Variants in THOP1 observed in about 807,000 individuals in gnomAD.
THOP1 encodes the protein thimet oligopeptidase 1.
In THOP1, 49 loss-of-function variants were observed where a neutral mutation model predicts 71.8. That is an observed-to-expected ratio of 0.68 (90% confidence interval 0.54 to 0.87). The LOEUF (loss-of-function observed/expected upper bound fraction) is 0.87, where lower values mean the gene tolerates loss of function less well. THOP1 is among the 40% of genes least tolerant of loss of function. The pLI is 0.00. For synonymous variants in THOP1, 426 were observed against 421.5 expected, an observed-to-expected ratio of 1.01 and a Z score of -0.13; for missense variants, 843 against 975.6, an observed-to-expected ratio of 0.86 and a Z score of 1.81.
In THOP1 at chr19:2,806,795, G is replaced by C. The variant is rs1330970996; in HGVS notation, c.751-122G>C. ...GTTGTGTAGTAACACAGGCCGAGAG[G>C]GGCAGGGACCGGAGGTCAGACGGAG... On this transcript the variant is annotated intron_variant, in intron 6 of 12. Coordinates refer to ENST00000307741, the MANE Select transcript of THOP1 (RefSeq NM_003249.5). The C allele has an allele frequency of 3.9e-6, 6 of 1,534,686 alleles. No individual in the cohort carries two copies. In the East Asian group the frequency reaches 1.1e-4, roughly 29 times the overall value.
intron 3 of THOP1, among the ~76,000 whole-genome samples, chr19:2,795,547 A>G (rs1203113704): frequency 6.6e-6 from 1 of 152,254 alleles, no homozygotes; most frequent in Non-Finnish European, 1.5e-5. Flanking sequence ...TGGTAAATCC[A>G]GATCAGGGTG....
At chr19:2,807,890 G>C (rs992709770) in intron 8 of THOP1, 82 bp downstream of exon 8, 22 of 1,386,528 alleles carry the variant, frequency 1.6e-5, no homozygotes, top group Non-Finnish European at 2.1e-5. Context: ...GAGATGGGAA[G>C]GAAGTCGTTG....
At position 2,807,712 on chromosome 19, in the gene THOP1, G is replaced by T. The variant is rs570540421; in HGVS notation, c.1157G>T (p.Gly386Val). ...LLGLAFHHEE[G>V]ASAWHEDVRL... ...GGGCTGGCCTTCCACCACGAGGAGG[G>T]CGCCAGTGCCTGGCATGAGGACGTG... The change falls in exon 8 of 13, where the codon GGC (glycine) becomes GTC (valine). Residue 386 changes from glycine (G) to valine (V), a missense_variant. Coordinates refer to ENST00000307741, the MANE Select transcript of THOP1 (RefSeq NM_003249.5). The T allele has an allele frequency of 3.1e-6, 5 of 1,601,732 alleles. No homozygotes were observed. The African/African-American group carries it at 6.7e-5, about 21-fold the overall frequency.
In THOP1 at chr19:2,813,301, C is replaced by G. The variant is rs11557137; in HGVS notation, c.*25C>G. The G allele has an allele frequency of 2.1e-5, 33 of 1,584,416 alleles. No homozygotes were observed. The highest frequency in any genetic ancestry group is 2.7e-5 in the Non-Finnish European group (32 of 1,165,630). On this transcript the variant is annotated 3_prime_UTR_variant, in exon 13 of 13. Coordinates refer to ENST00000307741, the MANE Select transcript of THOP1 (RefSeq NM_003249.5). ...AGGCCTGGCACTGCGACTGCCCAGT[C>G]TGGCCTGCGCTCCCGCCGCCCTGGT...
In THOP1 at chr19:2,792,968, G is replaced by C. The variant is rs1365826982; in HGVS notation, c.230-1796G>C. ...AGGTGGGCGGATGACTTGAGGTCAG[G>C]AGTTCGAGACCAGCCTGACCAACAT... On this transcript the variant is annotated intron_variant, in intron 2 of 12. Coordinates refer to ENST00000307741, the MANE Select transcript of THOP1 (RefSeq NM_003249.5). Among the ~76,000 whole-genome samples the C allele has an allele frequency of 1.3e-5, 2 of 152,152 alleles. 1 individual carries two copies. The highest frequency in any genetic ancestry group is 4.8e-5 in the African/African-American group (2 of 41,414).
At position 2,800,070 on chromosome 19, in the gene THOP1, G is replaced by A. The variant is rs144489152; in HGVS notation, c.589+279G>A. Among the ~76,000 whole-genome samples the A allele has an allele frequency of 2.5e-3, 384 of 152,370 alleles. 2 individuals are homozygous for A. The highest frequency in any genetic ancestry group is 4.0e-3 in the Non-Finnish European group (270 of 68,040). On this transcript the variant is annotated intron_variant, in intron 5 of 12. Coordinates refer to ENST00000307741, the MANE Select transcript of THOP1 (RefSeq NM_003249.5). ...ATAGAAAATGTCCCTGGCAGTGGCG[G>A]AAGCCCAGGCCGGACGGGGTGGCCA... is the stretch of plus-strand genomic sequence containing the variant.
intron 4 of THOP1, among the ~76,000 whole-genome samples, chr19:2,797,698 C>T (rs1455115450): frequency 6.6e-6 from 1 of 152,250 alleles, no homozygotes; most frequent in Non-Finnish European, 1.5e-5. Context: ...ATGATATTCA[C>T]AACTCACGAT....
In THOP1 at chr19:2,811,744, GA is replaced by G; in HGVS notation, c.1908+11del. On this transcript the variant is annotated intron_variant, in intron 12 of 12. Transcript: ENST00000307741. ...TGTCCTGAACAGCAAGGTACGCGGG[GA>G]CTGGGGACAGGGAGGGCGTCCTGAA... The G allele has an allele frequency of 1.9e-6, 3 of 1,573,072 alleles. No homozygotes were observed. Among genetic ancestry groups the G allele is most frequent in the South Asian group, 1.2e-5 (1 of 86,722 alleles).
At position 2,798,177 on chromosome 19, in the gene THOP1, C is replaced by T. The variant is rs546865458; in HGVS notation, c.487-1512C>T. Reference sequence around the variant, plus strand: ...TGGAGTAGCTGGGATTACGGGCACCCGCCAACACAGCTGGCTAATTTTTTT... The same window carrying T: ...TGGAGTAGCTGGGATTACGGGCACCTGCCAACACAGCTGGCTAATTTTTTT... On this transcript the variant is annotated intron_variant, in intron 4 of 12. Transcript: ENST00000307741. Among the ~76,000 whole-genome samples the T allele has an allele frequency of 3.3e-5, 5 of 152,084 alleles. No individual in the cohort carries two copies. The East Asian group carries it at 9.7e-4, about 29-fold the overall frequency.
rs752853333 is a variant in THOP1, at chr19:2,804,295, C to T, written c.590-721C>T. On this transcript the variant is annotated intron_variant, in intron 5 of 12. Coordinates refer to ENST00000307741, the MANE Select transcript of THOP1 (RefSeq NM_003249.5). This position sits in a 1 kb window ranked among gnomAD's most constrained non-coding sequence, Gnocchi z 4.7. Reference sequence around the variant, plus strand: ...GTGGGAGGGTGTGGCTGCCGGGCAGCGGGGTGAACTGTGTCCTGCCAGGGG... The same window carrying T: ...GTGGGAGGGTGTGGCTGCCGGGCAGTGGGGTGAACTGTGTCCTGCCAGGGG... Among the ~76,000 whole-genome samples the T allele has an allele frequency of 1.2e-4, 19 of 152,122 alleles. No individual in the cohort carries two copies. The highest frequency in any genetic ancestry group is 2.2e-4 in the Non-Finnish European group (15 of 68,016).
At chr19:2,803,666 T>C (rs542184977) in intron 5 of THOP1, among the ~76,000 whole-genome samples, 3 of 152,292 alleles carry the variant, frequency 2.0e-5, no homozygotes, top group East Asian at 1.9e-4. Flanking sequence ...GAAAGGACGA[T>C]GTGCAGGTCC....
chr19:2,796,585 A>T (rs879499104), intron 4 of THOP1, among the ~76,000 whole-genome samples: 10 of 141,814 alleles, frequency 7.1e-5, no homozygotes, highest in Admixed American at 2.8e-4. Flanking sequence ...CAGTCTGGGG[A>T]GTACTCGGCA....
rs1915850350 is a variant in THOP1 at position 2,790,518 on chromosome 19, G to A, written c.114G>A (p.Arg38=). The change falls in exon 2 of 13, where the codon AGG becomes AGA. Residue 38 remains arginine (R), a synonymous_variant. Transcript: ENST00000307741. ...LSAQQIEERT[R]ELIEQTKRVY... ...CCCAGCAGATAGAGGAGCGCACCAG[G>A]GAGCTCATCGAGCAGACCAAGCGCG... The A allele has an allele frequency of 9.3e-6, 15 of 1,608,386 alleles. No homozygotes were observed. Among genetic ancestry groups the A allele is most frequent in the East Asian group, 2.2e-5 (1 of 44,814 alleles).
chr19:2,810,280 T>A (rs764328727), intron 9 of THOP1, 24 bp from the exon 10 acceptor site: 2 of 1,606,146 alleles, frequency 1.2e-6, no homozygotes, highest in Non-Finnish European at 1.7e-6. Flanking sequence ...CTGGGCACTC[T>A]GAGGCTCTGC....
At chr19:2,795,712 G>C (rs1915997455) in intron 3 of THOP1, among the ~76,000 whole-genome samples, 1 of 152,316 alleles carries the variant, frequency 6.6e-6, no homozygotes, top group Non-Finnish European at 1.5e-5. Context: ...TTCCCATGCA[G>C]GTGCAGGAAA....
At chr19:2,800,648 G>A (rs1916123723) in intron 5 of THOP1, among the ~76,000 whole-genome samples, 3 of 152,240 alleles carry the variant, frequency 2.0e-5, no homozygotes, top group East Asian at 1.9e-4. Context: ...GGGAACACTC[G>A]CAGGTCGGGC....
chr19:2,809,984 C>G (rs889343567), intron 9 of THOP1: 4 of 414,098 alleles, frequency 9.7e-6, no homozygotes, highest in Non-Finnish European at 1.7e-5. Context: ...CGGACCTGGC[C>G]GTCCCCAGGT....
rs1484336598 is a variant in THOP1 at position 2,805,090 on chromosome 19, C to T, written c.664C>T (p.Pro222Ser). Residue 222 changes from proline (P) to serine (S), a missense_variant, in exon 6 of 13, where the codon CCC (proline) becomes TCC (serine). Coordinates refer to ENST00000307741, the MANE Select transcript of THOP1 (RefSeq NM_003249.5). This position sits in a 1 kb window ranked among gnomAD's most constrained non-coding sequence, Gnocchi z 6.6. ...CAAGTTGAAGGTCACCCTCAAGTAC[C>T]CCCATTACTTCCCCCTCCTGAAGAA... ...DGKLKVTLKY[P>S]HYFPLLKKCH... The T allele has an allele frequency of 1.2e-6, 2 of 1,612,960 alleles. No homozygotes were observed. Among genetic ancestry groups the T allele is most frequent in the Non-Finnish European group, 1.7e-6 (2 of 1,179,862 alleles).
At chr19:2,812,719 G>A (rs1430872827) in intron 12 of THOP1, among the ~76,000 whole-genome samples, 1 of 152,230 alleles carries the variant, frequency 6.6e-6, no homozygotes, top group Non-Finnish European at 1.5e-5. Flanking sequence ...TGCCTCACCT[G>A]CCCGTAGTCC....
Sources: allele counts gnomAD v4.1 joint callset (sites outside exome capture counted in the v4.1 genomes callset), GRCh38; gene constraint gnomAD v4.1.1; non-coding constraint Gnocchi (gnomAD v3.1); transcripts MANE v1.5; gene names NCBI Gene and HGNC (gene_info 2026-07-23, HGNC 2026-07-21).